TGM3: variants seen among roughly 807,000 people sequenced by gnomAD.
The protein encoded by TGM3 is protein-glutamine gamma-glutamyltransferase E.
In TGM3, 52 loss-of-function variants were observed where a neutral mutation model predicts 73.8. That is an observed-to-expected ratio of 0.70 (90% CI 0.56 to 0.89). The LOEUF (loss-of-function observed/expected upper bound fraction) is 0.89. TGM3 is among the 40% of genes least tolerant of loss of function. The pLI, the probability that TGM3 is intolerant of heterozygous loss-of-function variation, is 0.00. For synonymous variants in TGM3, 372 were observed against 354.9 expected, an observed-to-expected ratio of 1.05 and a Z score of -0.54; for missense variants, 928 against 909.9, an observed-to-expected ratio of 1.02 and a Z score of -0.26.
chr20:2,313,935 G>A lies in TGM3; in HGVS notation c.669+909G>A, dbSNP rs558889962. On this transcript the variant is annotated intron_variant, in intron 5 of 12. Coordinates refer to ENST00000381458, the MANE Select transcript of TGM3 (RefSeq NM_003245.4). ...TCACACCTGTAATCCCAGCACTTTG[G>A]TGGGGAGATGACTTGAGCCCAGGAG... 5.3e-5 allele frequency among the ~76,000 whole-genome samples: 8 copies of A among 152,240 alleles called. No homozygotes were observed. The South Asian group carries it at 1.7e-3, about 32-fold the overall frequency.
intron 4 of TGM3, among the ~76,000 whole-genome samples, chr20:2,311,897 G>A (rs45591337): frequency 0.066 from 10,007 of 151,986 alleles, 1,092 homozygotes; most frequent in African/African-American, 0.23. Context: ...AAGGAGATGA[G>A]GGCACCAGAC....
chr20:2,306,235 T>C (rs752731146), intron 1 of TGM3, among the ~76,000 whole-genome samples: 1 of 152,150 alleles, frequency 6.6e-6, no homozygotes, highest in Admixed American at 6.5e-5. Context: ...CTTACCACTG[T>C]GCTGGACAAA....
At position 2,314,946 on chromosome 20, in the gene TGM3, T is replaced by C. The variant is rs113611594; in HGVS notation, c.669+1920T>C. ...CTGCATGATAAATATCCGGGGTGCA[T>C]CTGAGAGGGCTTTTGGAAAGAGCTG... On this transcript the variant is annotated intron_variant, in intron 5 of 12. Coordinates refer to ENST00000381458, the MANE Select transcript of TGM3 (RefSeq NM_003245.4). Among the ~76,000 whole-genome samples, 807 of 152,230 alleles carry C rather than the reference T, an allele frequency of 5.3e-3. 5 individuals carry two copies. The highest frequency in any genetic ancestry group is 9.8e-3 in the Admixed American group (150 of 15,286).
At chr20:2,309,560 G>A (rs183208398) in intron 1 of TGM3, 97 bp from the exon 2 acceptor site, 1 of 1,309,990 alleles carries the variant, frequency 7.6e-7, no homozygotes, top group African/African-American at 1.5e-5. Flanking sequence ...CCCTTGACAA[G>A]CCTCACCCCA....
chr20:2,329,678 C>T (rs112111907), intron 9 of TGM3, among the ~76,000 whole-genome samples: 1 of 152,104 alleles, frequency 6.6e-6, no homozygotes, highest in Non-Finnish European at 1.5e-5. Flanking sequence ...GGAAGGTGAA[C>T]TCTAGCCCTA....
At chr20:2,323,512 C>T (rs1030511711) in intron 7 of TGM3, among the ~76,000 whole-genome samples, 1 of 152,210 alleles carries the variant, frequency 6.6e-6, no homozygotes, top group Non-Finnish European at 1.5e-5. Context: ...TTGGTGGACA[C>T]CTTTAGATAT....
chr20:2,335,417 C>T, intron 11 of TGM3, 144 bp downstream of exon 11: 1 of 1,022,368 alleles, frequency 9.8e-7, no homozygotes, highest in Non-Finnish European at 1.4e-6. Flanking sequence ...GAACTGGGCC[C>T]AGCTTCGGTC....
intron 1 of TGM3, among the ~76,000 whole-genome samples, chr20:2,306,472 C>CTTTTTTTTTTTTT (rs33929365): frequency 2.3e-5 from 3 of 129,622 alleles, no homozygotes; most frequent in Non-Finnish European, 4.8e-5. Context: ...CTTTTCCTTT[C>CTTTTTTTTTTTTT]TTTTTTTTTT....
At chr20:2,317,316 C>T (rs1296850092) in intron 6 of TGM3, 34 bp from the exon 7 acceptor site, 1 of 1,614,102 alleles carries the variant, frequency 6.2e-7, no homozygotes, top group Non-Finnish European at 8.5e-7. Context: ...ACCATCTCCA[C>T]CACCTGAGTC....
intron 2 of TGM3, 81 bp from the exon 3 acceptor site, chr20:2,310,097 A>AG: frequency 1.3e-6 from 2 of 1,574,018 alleles, no homozygotes; most frequent in East Asian, 2.3e-5. Context: ...TGTCCCCCAG[A>AG]GGGGGGTTGT....
At chr20:2,310,904 G>A (rs1261571029) in intron 3 of TGM3, 107 bp from the exon 4 acceptor site, 10 of 935,882 alleles carry the variant, frequency 1.1e-5, no homozygotes, top group Non-Finnish European at 1.7e-5. Flanking sequence ...TAAAGGTGGG[G>A]CTTGCTCCAA....
rs45447294 is a variant in TGM3 at position 2,312,197 on chromosome 20, C to T, written c.541-701C>T. ...GGTGGATCACCTGAGGTCAGGAATT[C>T]GAGACCAGCCTGGCCTATATGGCAA... On this transcript the variant is annotated intron_variant, in intron 4 of 12. Coordinates refer to ENST00000381458, the MANE Select transcript of TGM3 (RefSeq NM_003245.4). 2.7e-3 allele frequency among the ~76,000 whole-genome samples: 401 copies of T among 151,220 alleles called. 1 individual carries two copies. The highest frequency in any genetic ancestry group is 9.1e-3 in the African/African-American group (376 of 41,254).
At chr20:2,297,764 T>C (rs1158811737) in intron 1 of TGM3, among the ~76,000 whole-genome samples, 2 of 152,176 alleles carry the variant, frequency 1.3e-5, no homozygotes, top group South Asian at 2.1e-4. Context: ...TCAGTGTTTC[T>C]TGGATGAATG....
At position 2,334,221 on chromosome 20, in the gene TGM3, G is replaced by A. The variant is rs1201620653; in HGVS notation, c.1643-895G>A. Among the ~76,000 whole-genome samples the A allele has an allele frequency of 1.3e-5, 2 of 152,154 alleles. No individual in the cohort carries two copies. Among genetic ancestry groups the A allele is most frequent in the African/African-American group, 2.4e-5 (1 of 41,426 alleles). Reference sequence around the variant, plus strand: ...GAACCATGTGAGTCAAAATATGGGGGCGAAAAGGTGCCTGTTTTGTCTGCA... The same window carrying A: ...GAACCATGTGAGTCAAAATATGGGGACGAAAAGGTGCCTGTTTTGTCTGCA... On this transcript the variant is annotated intron_variant, in intron 10 of 12. Transcript: ENST00000381458. The surrounding 1 kb of genome is among the most constrained non-coding windows in gnomAD (Gnocchi z 4.0).
intron 7 of TGM3, among the ~76,000 whole-genome samples, chr20:2,321,523 T>C (rs2084262970): frequency 6.6e-6 from 1 of 152,176 alleles, no homozygotes; most frequent in Non-Finnish European, 1.5e-5. Context: ...AACTCTGTGA[T>C]TTCAAAGGTA....
Position 2,340,667 on chromosome 20 carries a change from C to T in TGM3, c.*86C>T, listed in dbSNP as rs6048260. ...GAATGAACCCCCCGCCCATGCTGTC[C>T]GGCCTGGGAAACCCTCTCCATCTCC... On this transcript the variant is annotated 3_prime_UTR_variant, in exon 13 of 13. Transcript: ENST00000381458. 6.6e-4 allele frequency: 1,030 copies of T among 1,563,720 alleles called. 4 individuals carry two copies. The African/African-American group carries it at 0.011, about 17-fold the overall frequency.
intron 1 of TGM3, among the ~76,000 whole-genome samples, chr20:2,302,625 G>A (rs2084154643): frequency 1.4e-5 from 2 of 145,770 alleles, no homozygotes; most frequent in Admixed American, 1.5e-4. Context: ...GCTTGTCCCT[G>A]TCACACCCAC....
chr20:2,306,714 T>G (rs543332027), intron 1 of TGM3, among the ~76,000 whole-genome samples: 1 of 152,192 alleles, frequency 6.6e-6, no homozygotes, highest in Non-Finnish European at 1.5e-5. Context: ...TGACCTCAAA[T>G]GATCCACCCA....
chr20:2,337,735 G>T (rs1379729229), intron 11 of TGM3, among the ~76,000 whole-genome samples: 3 of 151,706 alleles, frequency 2.0e-5, no homozygotes, highest in African/African-American at 7.3e-5. Context: ...AAAAAAATTA[G>T]TGTTTTTCCC....
Sources: gnomAD v4.1 joint callset for allele counts (sites outside exome capture counted in the v4.1 genomes callset) on GRCh38, gnomAD v4.1.1 for gene constraint, Gnocchi (gnomAD v3.1) non-coding constraint, MANE v1.5 for transcripts, NCBI Gene and HGNC (gene_info 2026-07-23, HGNC 2026-07-21) for gene names.